Variants in CDK5RAP1 observed in about 807,000 individuals in gnomAD.
CDK5RAP1 encodes mitochondrial tRNA methylthiotransferase CDK5RAP1.
A neutral mutation model predicts 64.5 loss-of-function variants in CDK5RAP1; 62 were observed. The observed-to-expected ratio is 0.96, with a 90% CI of 0.78 to 1.19. The LOEUF is 1.19. Ranked by LOEUF, CDK5RAP1 falls within the 50% of genes most tolerant of loss-of-function variation. The pLI is 0.00. For missense variants in CDK5RAP1, 657 were observed against 735.0 expected, an observed-to-expected ratio of 0.89 and a Z score of 1.23; for synonymous variants, 250 against 261.9, an observed-to-expected ratio of 0.95 and a Z score of 0.44.
chr20:33,391,511 G>T (rs1404488211), intron 5 of CDK5RAP1, among the ~76,000 whole-genome samples: 2 of 152,106 alleles, frequency 1.3e-5, no homozygotes, highest in Non-Finnish European at 2.9e-5. Flanking sequence ...CAGAATGAAA[G>T]GTACCCACAT....
At chr20:33,397,202 C>T (rs1481896431) in intron 1 of CDK5RAP1, 118 bp from the exon 2 acceptor site, 6 of 688,044 alleles carry the variant, frequency 8.7e-6, no homozygotes, top group Non-Finnish European at 1.4e-5. Flanking sequence ...GAAGAAGGTA[C>T]TCCTAATAAT....
intron 4 of CDK5RAP1, among the ~76,000 whole-genome samples, chr20:33,392,613 CAG>C (rs1988446287): frequency 6.6e-6 from 1 of 152,098 alleles, no homozygotes; most frequent in African/African-American, 2.4e-5. Context: ...ATCTGCCATT[CAG>C]ACTTACGGAA....
In CDK5RAP1 at chr20:33,396,787, T is replaced by C. The variant is rs1242180280; in HGVS notation, c.278A>G (p.Asp93Gly). The C allele has an allele frequency of 1.2e-6, 2 of 1,613,758 alleles. No individual in the cohort carries two copies. Among genetic ancestry groups the C allele is most frequent in the African/African-American group, 2.7e-5 (2 of 75,024 alleles). The change falls in exon 2 of 14, where the codon GAT becomes GGT. Residue 93 changes from aspartate (D) to glycine (G), a missense_variant. Transcript: ENST00000346416. The part of the protein sequence containing the change: ...VEDPPPYLMM[D>G]ELLGRQRKVY... ...TTTTCTCTGCCTTCCAAGAAGTTCATCCATCATGAGATAGGGAGGTGGGTC... is the reference window on the plus strand; with the variant it reads ...TTTTCTCTGCCTTCCAAGAAGTTCACCCATCATGAGATAGGGAGGTGGGTC...
chr20:33,388,417 G>C (rs1172616942), intron 5 of CDK5RAP1, among the ~76,000 whole-genome samples: 1 of 152,106 alleles, frequency 6.6e-6, no homozygotes, highest in Admixed American at 6.6e-5. Flanking sequence ...ATCCACAATA[G>C]CCAAAAGGTG....
chr20:33,373,966 G>A, intron 9 of CDK5RAP1, 149 bp downstream of exon 9: 1 of 664,840 alleles, frequency 1.5e-6, no homozygotes, highest in Non-Finnish European at 2.7e-6. Context: ...GCAAACTCCA[G>A]TGCCCAGTGG....
intron 8 of CDK5RAP1, among the ~76,000 whole-genome samples, chr20:33,379,121 C>T (rs1188772542): frequency 1.3e-5 from 2 of 152,020 alleles, no homozygotes; most frequent in Admixed American, 1.3e-4. Context: ...TCCCAAGTAG[C>T]CAGAACTACA....
At chr20:33,365,592 T>A (rs896387478) in intron 12 of CDK5RAP1, among the ~76,000 whole-genome samples, 1 of 102,436 alleles carries the variant, frequency 9.8e-6, no homozygotes, top group African/African-American at 4.0e-5. Context: ...AAATTCTCTA[T>A]AATGTAAAAA....
intron 10 of CDK5RAP1, among the ~76,000 whole-genome samples, chr20:33,372,401 ATC>A (rs1286422468): frequency 6.6e-6 from 1 of 152,286 alleles, no homozygotes; most frequent in East Asian, 1.9e-4. Flanking sequence ...TAGAAAAGGA[ATC>A]TCTATAGCCT....
At position 33,385,670 on chromosome 20, in the gene CDK5RAP1, C is replaced by T; in HGVS notation, c.856G>A (p.Val286Met). 6.2e-7 allele frequency: 1 copy of T among 1,614,202 alleles called. No individual in the cohort carries two copies. The highest frequency in any genetic ancestry group is 8.5e-7 in the Non-Finnish European group (1 of 1,180,014). Residue 286 changes from valine (V) to methionine (M), a missense_variant, in exon 7 of 14, where the codon GTG (valine) becomes ATG (methionine). By Grantham distance (21) the Val-to-Met change is conservative (BLOSUM62 1). Transcript: ENST00000346416. ...TTCACCTGCTCAGAAAGCTTCTTCA[C>T]TTCCTCTAGAATGGAGGCAATAGGC... ...SRPIASILEEVKKLSEQGLKE... is the reference protein window; with the variant it reads ...SRPIASILEEMKKLSEQGLKE...
At position 33,401,485 on chromosome 20, in the gene CDK5RAP1, GATCCCCT is replaced by G. The variant is rs1452252913; in HGVS notation, c.-85_-79del. The G allele has an allele frequency of 6.8e-5, 67 of 985,460 alleles. No homozygotes were observed. In the East Asian group the frequency reaches 6.5e-3, roughly 95 times the overall value. The allele number at this position is 985,460 out of a possible 1,614,324, so 61.0% of individuals were successfully genotyped here. ...CAGCGTAAGTTCTGCCGGCAAGTCG[GATCCCCT>G]CACAGGTCCGCCGCTGCGTTCATAC... On this transcript the variant is annotated 5_prime_UTR_variant, in exon 1 of 14. An upstream open reading frame in the 5' UTR loses its in-frame stop. Transcript: ENST00000346416.
chr20:33,374,662 C>G (rs1194903959), intron 8 of CDK5RAP1, among the ~76,000 whole-genome samples: 1 of 151,802 alleles, frequency 6.6e-6, no homozygotes, highest in East Asian at 2.0e-4. Context: ...CTCCTGGGTT[C>G]AAGCGATTCT....
chr20:33,394,174 T>G (rs1988648474), intron 3 of CDK5RAP1, 108 bp from the exon 4 acceptor site: 2 of 787,978 alleles, frequency 2.5e-6, no homozygotes, highest in Non-Finnish European at 4.2e-6. Flanking sequence ...CTTTTTTTTT[T>G]TTTGAGACAG....
Position 33,397,039 on chromosome 20 carries a change from T to C in CDK5RAP1, c.26A>G (p.Gln9Arg). Residue 9 changes from glutamine (Q) to arginine (R), a missense_variant, in exon 2 of 14, where the codon CAA becomes CGA. Gln to Arg is a conservative substitution (Grantham distance 43). Coordinates refer to ENST00000346416, the MANE Select transcript of CDK5RAP1 (RefSeq NM_016408.4). MHPLQCVL[Q>R]VQRSLGWGPL... is the part of the protein sequence containing the mutation. ...TCCCCACCCCAGAGACCTCTGCACT[T>C]GGAGGACACACTGTAAAGGGTGCAT... The C allele has an allele frequency of 6.2e-7, 1 of 1,612,906 alleles. No individual in the cohort carries two copies.
rs563748318 is a variant in CDK5RAP1, at chr20:33,358,886, A to G, written c.*157T>C. ...TAATGACTGTAAAAGCTGTTCACAT[A>G]GCAGCTTTAAAGAGACACGTTTTCC... On this transcript the variant is annotated 3_prime_UTR_variant, in exon 14 of 14. Coordinates refer to ENST00000346416, the MANE Select transcript of CDK5RAP1 (RefSeq NM_016408.4). 11 of 609,798 alleles carry G rather than the reference A, an allele frequency of 1.8e-5. No homozygotes were observed. In the South Asian group the frequency reaches 2.2e-4, roughly 12 times the overall value. The allele number at this position is 609,798 out of a possible 1,614,324, so 37.8% of individuals were successfully genotyped here.
At chr20:33,382,836 G>A (rs962749875) in intron 7 of CDK5RAP1, among the ~76,000 whole-genome samples, 2 of 152,056 alleles carry the variant, frequency 1.3e-5, no homozygotes, top group Non-Finnish European at 2.9e-5. Flanking sequence ...CTGCACTCCA[G>A]CCTGGGCAAC....
Position 33,396,993 on chromosome 20 carries a change from C to A in CDK5RAP1, c.72G>T (p.Trp24Cys). The A allele has an allele frequency of 6.2e-7, 1 of 1,614,162 alleles. No homozygotes were observed. Among genetic ancestry groups the A allele is most frequent in the African/African-American group, 1.3e-5 (1 of 75,054 alleles). Residue 24 changes from tryptophan to cysteine, a missense_variant, in exon 2 of 14, where the codon TGG (tryptophan) becomes TGT (cysteine). Physicochemically the swap from Trp to Cys is radical, Grantham distance 215. Coordinates refer to ENST00000346416, the MANE Select transcript of CDK5RAP1 (RefSeq NM_016408.4). ...GTGCCCTGCACATCCTCAGCGACAGCCAAGACACAGAGGCCAATGGTCCCC... is the reference window on the plus strand; with the variant it reads ...GTGCCCTGCACATCCTCAGCGACAGACAAGACACAGAGGCCAATGGTCCCC... ...LGWGPLASVS[W>C]LSLRMCRAHS...
At chr20:33,371,994 C>T (rs1985097842) in intron 10 of CDK5RAP1, among the ~76,000 whole-genome samples, 1 of 152,124 alleles carries the variant, frequency 6.6e-6, no homozygotes, top group Non-Finnish European at 1.5e-5. Context: ...TACTGCTGAT[C>T]TGTACAATCA....
intron 5 of CDK5RAP1, among the ~76,000 whole-genome samples, chr20:33,388,750 G>A (rs955119116): frequency 1.3e-5 from 2 of 152,044 alleles, no homozygotes; most frequent in East Asian, 1.9e-4. Context: ...TCAACCTGCC[G>A]AGTGCCTGCG....
At chr20:33,387,607 T>A in intron 5 of CDK5RAP1, 74 bp from the exon 6 acceptor site, 1 of 1,200,704 alleles carries the variant, frequency 8.3e-7, no homozygotes, top group Non-Finnish European at 1.2e-6. Context: ...TATTCCACTT[T>A]ATCTGTAGCT....
Sources: allele counts gnomAD v4.1 joint callset (sites outside exome capture counted in the v4.1 genomes callset), GRCh38; gene constraint gnomAD v4.1.1; transcripts MANE v1.5; gene names NCBI Gene and HGNC (gene_info 2026-07-23, HGNC 2026-07-21).